AMER1: variants seen among roughly 807,000 people sequenced by gnomAD.
AMER1 encodes the protein RP11-403E24.2.
In AMER1, 16 loss-of-function variants were observed where a neutral mutation model predicts 53.0. The ratio of observed to expected loss-of-function variants is 0.30; its 90% confidence interval spans 0.20 to 0.46. The LOEUF (loss-of-function observed/expected upper bound fraction) is 0.46, where lower values mean the gene tolerates loss of function less well. AMER1 is among the 20% of genes least tolerant of loss of function. AMER1 has a pLI of 1.00. For synonymous variants in AMER1, 354 were observed against 331.9 expected (o/e 1.07, Z -0.73); for missense variants, 947 against 884.9 (o/e 1.07, Z -0.89).
rs1284917797 is a variant in AMER1, at chrX:64,193,345, C to CTGT, written c.-62_-60dup. 8.3e-7 allele frequency: 1 copy of CTGT among 1,205,757 alleles called. No homozygotes were observed. Among genetic ancestry groups the CTGT allele is most frequent in the East Asian group, 3.0e-5 (1 of 33,711 alleles). ...AAATGCAGCCTCAGGCTTCCAGGCACTGTTATAACATTATCAGTCAGGAAG... is the reference window on the plus strand; with the variant it reads ...AAATGCAGCCTCAGGCTTCCAGGCACTGTTGTTATAACATTATCAGTCAGGAAG... On this transcript the variant is annotated 5_prime_UTR_variant, in exon 2 of 2. Transcript: ENST00000374869.
At chrX:64,203,257 C>A (rs1379268736) in intron 1 of AMER1, among the ~76,000 whole-genome samples, 1 of 111,737 alleles carries the variant, frequency 8.9e-6, no homozygotes. Context: ...AATCATCCCC[C>A]TTCTAATCCA....
intron 1 of AMER1, among the ~76,000 whole-genome samples, chrX:64,201,279 C>T (rs976292920): frequency 1.4e-4 from 16 of 111,178 alleles, no homozygotes; most frequent in Admixed American, 1.2e-3. Flanking sequence ...CACTTACACA[C>T]GCACAGGTTT....
intron 1 of AMER1, among the ~76,000 whole-genome samples, chrX:64,203,424 T>G (rs1930533452): frequency 1.8e-5 from 2 of 111,817 alleles, no homozygotes; most frequent in South Asian, 7.6e-4. Flanking sequence ...TTAACTGCTC[T>G]GCACTGCTTG....
chrX:64,192,433 T>C lies in AMER1; in HGVS notation c.854A>G (p.His285Arg), dbSNP rs747197554. Residue 285 changes from histidine to arginine, a missense_variant, in exon 2 of 2, where the codon CAT (histidine) becomes CGT (arginine). Physicochemically the swap from His to Arg is conservative, Grantham distance 29. Coordinates refer to ENST00000374869, the MANE Select transcript of AMER1 (RefSeq NM_152424.4). ...APEASSLEEP[H>R]SPETGEKVVA... The stretch of plus-strand genomic sequence containing the variant: ...TACCTTCTCCCCTGTTTCTGGGCTA[T>C]GGGGCTCCTCTAGGCTACTGGCTTC... 5.8e-6 allele frequency: 7 copies of C among 1,208,658 alleles called. No individual in the cohort carries two copies. The South Asian group carries it at 1.2e-4, about 22-fold the overall frequency.
rs761740157 is a variant in AMER1, at chrX:64,191,982, G to C, written c.1305C>G (p.Gly435=). The change falls in exon 2 of 2, where the codon GGC becomes GGG. Residue 435 remains glycine (G), a synonymous_variant. Transcript: ENST00000374869. ...YHPTTSPGHH[G]YMLLDPVRSY... is the part of the protein sequence containing the mutation. The stretch of plus-strand genomic sequence containing the variant: ...ACCTAACTGGGTCAAGGAGCATGTA[G>C]CCGTGGTGGCCTGGGGATGTGGTGG... 1.1e-5 allele frequency: 13 copies of C among 1,212,057 alleles called. 1 individual carries two copies. In the Middle Eastern group the frequency reaches 2.8e-3, roughly 257 times the overall value.
At chrX:64,205,436 A>G (rs904112149) in intron 1 of AMER1, 134 bp downstream of exon 1, 1 of 109,553 alleles carries the variant, frequency 9.1e-6, no homozygotes, top group Non-Finnish European at 1.9e-5. Flanking sequence ...GCGGGTTCCA[A>G]AGGAGAGGGG....
intron 1 of AMER1, among the ~76,000 whole-genome samples, chrX:64,202,908 C>T (rs1031622283): frequency 8.9e-6 from 1 of 111,845 alleles, no homozygotes; most frequent in Admixed American, 9.5e-5. Flanking sequence ...GCCTGGCATC[C>T]GGGAAACCCC....
chrX:64,186,639 C>G lies in AMER1; in HGVS notation c.*3240G>C, dbSNP rs1252814273. The stretch of plus-strand genomic sequence containing the variant: ...GCCTCCTGAGTGTGTGAAGCTACTT[C>G]CCTTCTTGGCATAGGACTAAGGAGG... On this transcript the variant is annotated 3_prime_UTR_variant, in exon 2 of 2. Transcript: ENST00000374869. 2 of 771,299 alleles carry G rather than the reference C, an allele frequency of 2.6e-6. No homozygotes were observed. The highest frequency in any genetic ancestry group is 4.6e-5 in the African/African-American group (2 of 43,537). The allele number at this position is 771,299 out of a possible 1,213,427, so 63.6% of individuals were successfully genotyped here. A position where few individuals can be genotyped will look rare whatever the true frequency, so the allele number is the denominator to read the frequency against.
rs1205704573 is a variant in AMER1 at position 64,188,411 on chromosome X, T to C, written c.*1468A>G. ...GACAGCAAGCTCTTCCCCACCAGTATTTCCAACCTAGTTTAACATGAAAAC... is the reference window on the plus strand; with the variant it reads ...GACAGCAAGCTCTTCCCCACCAGTACTTCCAACCTAGTTTAACATGAAAAC... On this transcript the variant is annotated 3_prime_UTR_variant, in exon 2 of 2. Transcript: ENST00000374869. 1.2e-6 allele frequency: 1 copy of C among 805,096 alleles called. No individual in the cohort carries two copies. Among genetic ancestry groups the C allele is most frequent in the African/African-American group, 2.2e-5 (1 of 46,158 alleles). 66.3% of individuals were successfully genotyped at this position (805,096 alleles called of 1,213,427 possible). A position where few individuals can be genotyped will look rare whatever the true frequency, so the allele number is the denominator to read the frequency against.
At chrX:64,199,527 T>A (rs1466681147) in intron 1 of AMER1, among the ~76,000 whole-genome samples, 1 of 111,737 alleles carries the variant, frequency 8.9e-6, no homozygotes, top group African/African-American at 3.3e-5. Context: ...GGATTAGAGA[T>A]GATCAATGTA....
Position 64,186,905 on chromosome X carries a change from C to A in AMER1, c.*2974G>T. ...CATCTGGGAATTCTCAGGATCACAG[C>A]TGTCTGGCACTAGGCCTATTGGGTA... On this transcript the variant is annotated 3_prime_UTR_variant, in exon 2 of 2. Coordinates refer to ENST00000374869, the MANE Select transcript of AMER1 (RefSeq NM_152424.4). 1.3e-6 allele frequency: 1 copy of A among 774,041 alleles called. No homozygotes were observed. The highest frequency in any genetic ancestry group is 6.7e-5 in the South Asian group (1 of 15,010). The allele number at this position is 774,041 out of a possible 1,213,427, so 63.8% of individuals were successfully genotyped here.
intron 1 of AMER1, among the ~76,000 whole-genome samples, chrX:64,204,376 C>T (rs375111368): frequency 2.6e-5 from 3 of 114,024 alleles, no homozygotes; most frequent in Admixed American, 9.1e-5. Context: ...ACCAGCTCTG[C>T]GGGGCCAGTC....
chrX:64,189,462 GTT>G lies in AMER1; in HGVS notation c.*415_*416del. ...ATGCTATATATGTGTGTGCATGTGT[GTT>G]TGTGTGTGTGTGTGTATGTATGTGT... On this transcript the variant is annotated 3_prime_UTR_variant, in exon 2 of 2. Transcript: ENST00000374869. 8.1e-6 allele frequency: 6 copies of G among 744,621 alleles called. No homozygotes were observed. Among genetic ancestry groups the G allele is most frequent in the Non-Finnish European group, 7.9e-6 (5 of 633,884 alleles). The allele number at this position is 744,621 out of a possible 1,213,427, so 61.4% of individuals were successfully genotyped here.
chrX:64,197,998 G>A (rs757908943), intron 1 of AMER1, among the ~76,000 whole-genome samples: 1 of 112,575 alleles, frequency 8.9e-6, no homozygotes, highest in East Asian at 2.8e-4. Context: ...ATTTCTAGAA[G>A]TAAAATCATC....
Position 64,187,618 on chromosome X carries a change from G to A in AMER1, c.*2261C>T, listed in dbSNP as rs183845317. 517 of 774,715 alleles carry A rather than the reference G, an allele frequency of 6.7e-4. 13 individuals are homozygous for A. In the East Asian group the frequency reaches 0.043, roughly 64 times the overall value. 63.8% of individuals were successfully genotyped at this position (774,715 alleles called of 1,213,427 possible). Reference sequence around the variant, plus strand: ...GCTGGTGATGGCTCTACCGCCTGCTGTGGCTGGCACAGTCCACATGTAGAC... The same window carrying A: ...GCTGGTGATGGCTCTACCGCCTGCTATGGCTGGCACAGTCCACATGTAGAC... On this transcript the variant is annotated 3_prime_UTR_variant, in exon 2 of 2. Transcript: ENST00000374869.
In AMER1 at chrX:64,190,144, G is replaced by T. The variant is rs1343180508; in HGVS notation, c.3143C>A (p.Pro1048His). The change falls in exon 2 of 2, where the codon CCT (proline) becomes CAT (histidine). Residue 1048 changes from proline to histidine, a missense_variant. Physicochemically the swap from Pro to His is moderately conservative, Grantham distance 77. Transcript: ENST00000374869. ...ATCAACAGGCAGCAGCACATCTCGAGGCCTGGCCCTCATGCTCTGGGAGGC... is the reference window on the plus strand; with the variant it reads ...ATCAACAGGCAGCAGCACATCTCGATGCCTGGCCCTCATGCTCTGGGAGGC... ...PQASQSMRARPRDVLLPVDEP... is the reference protein window; with the variant it reads ...PQASQSMRARHRDVLLPVDEP... 8.3e-7 allele frequency: 1 copy of T among 1,208,944 alleles called. No homozygotes were observed. Among genetic ancestry groups the T allele is most frequent in the Non-Finnish European group, 1.1e-6 (1 of 893,941 alleles).
At position 64,190,653 on chromosome X, in the gene AMER1, C is replaced by T. The variant is rs766548141; in HGVS notation, c.2634G>A (p.Leu878=). The change falls in exon 2 of 2, where the codon CTG becomes CTA. Residue 878 remains leucine (L), a synonymous_variant. Coordinates refer to ENST00000374869, the MANE Select transcript of AMER1 (RefSeq NM_152424.4). ...SLPRYLGLPG[L]HPRPPPAAMA... The stretch of plus-strand genomic sequence containing the variant: ...TAGCAGCAGGTGGAGGTCGAGGGTG[C>T]AGGCCAGGCAGTCCCAAGTATCGAG... The T allele has an allele frequency of 8.3e-7, 1 of 1,211,497 alleles. No individual in the cohort carries two copies. Among genetic ancestry groups the T allele is most frequent in the Non-Finnish European group, 1.1e-6 (1 of 895,390 alleles).
In AMER1 at chrX:64,193,118, T is replaced by C. The variant is rs755475786; in HGVS notation, c.169A>G (p.Met57Val). The C allele has an allele frequency of 1.6e-6, 2 of 1,212,262 alleles. No homozygotes were observed. Among genetic ancestry groups the C allele is most frequent in the East Asian group, 3.0e-5 (1 of 33,867 alleles). ...CCCTTCTTGCCACCAAAGAGTTTCATGGCAGTTTTCTTCAGCCTACCTGGG... is the reference window on the plus strand; with the variant it reads ...CCCTTCTTGCCACCAAAGAGTTTCACGGCAGTTTTCTTCAGCCTACCTGGG... The part of the protein sequence containing the change: ...SGPGRLKKTA[M>V]KLFGGKKGIC... Residue 57 changes from methionine to valine, a missense_variant, in exon 2 of 2, where the codon ATG (methionine) becomes GTG (valine). Coordinates refer to ENST00000374869, the MANE Select transcript of AMER1 (RefSeq NM_152424.4).
chrX:64,203,592 A>G (rs1178173665), intron 1 of AMER1, among the ~76,000 whole-genome samples: 2 of 111,744 alleles, frequency 1.8e-5, no homozygotes, highest in African/African-American at 6.5e-5. Context: ...GCCCAGGAGA[A>G]GTAGGCAGCC....
Sources: allele counts gnomAD v4.1 joint callset (sites outside exome capture counted in the v4.1 genomes callset), GRCh38; gene constraint gnomAD v4.1.1; transcripts MANE v1.5; gene names NCBI Gene and HGNC (gene_info 2026-07-23, HGNC 2026-07-21).